Variants in PDE4D observed in about 807,000 individuals in gnomAD.
PDE4D encodes phosphodiesterase 4D.
In PDE4D, 24 loss-of-function variants were observed where a neutral mutation model predicts 87.4. The ratio of observed to expected loss-of-function variants is 0.27; its 90% CI spans 0.20 to 0.39. The LOEUF is 0.39. Ranked by LOEUF, PDE4D falls within the 10% of genes least tolerant of loss-of-function variation. The pLI is 1.00. For missense variants in PDE4D, 714 were observed against 1,041.0 expected (o/e 0.69, Z 4.32); for synonymous variants, 384 against 383.2 (o/e 1.00, Z -0.02).
intron 5 of PDE4D, among the ~76,000 whole-genome samples, chr5:59,113,237 A>C (rs1772990940): frequency 6.6e-6 from 1 of 152,236 alleles, no homozygotes; most frequent in Non-Finnish European, 1.5e-5. Flanking sequence ...AGGGGTACAG[A>C]AGTAGAATTG....
intron 1 of PDE4D, among the ~76,000 whole-genome samples, chr5:59,489,825 T>A (rs1001724043): frequency 1.3e-5 from 2 of 152,198 alleles, no homozygotes; most frequent in African/African-American, 4.8e-5. Context: ...GTTTTCTCCC[T>A]ATTTCTTTAT....
At chr5:60,204,370 C>A (rs570481389) in intron 1 of PDE4D, among the ~76,000 whole-genome samples, 5 of 152,244 alleles carry the variant, frequency 3.3e-5, no homozygotes, top group Non-Finnish European at 7.4e-5. Context: ...TCAAGCTTAG[C>A]CCAGACTTGT....
At chr5:59,051,277 G>T (rs1336594308) in intron 5 of PDE4D, among the ~76,000 whole-genome samples, 1 of 152,222 alleles carries the variant, frequency 6.6e-6, no homozygotes, top group African/African-American at 2.4e-5. Flanking sequence ...GGAGGCTGAG[G>T]CAGGAGAATC....
chr5:59,792,615 A>T (rs1765938562), intron 1 of PDE4D, among the ~76,000 whole-genome samples: 1 of 152,222 alleles, frequency 6.6e-6, no homozygotes, highest in Non-Finnish European at 1.5e-5. Context: ...TGGTAAAAGC[A>T]TGCTGAGAAT....
chr5:59,978,298 T>C (rs1434774500), intron 3 of PDE4D, among the ~76,000 whole-genome samples: 1 of 152,184 alleles, frequency 6.6e-6, no homozygotes, highest in Non-Finnish European at 1.5e-5. Flanking sequence ...ATTAAGAATA[T>C]TTGTGATCCA....
chr5:59,965,731 T>C (rs1359250535), intron 3 of PDE4D, among the ~76,000 whole-genome samples: 2 of 152,184 alleles, frequency 1.3e-5, no homozygotes, highest in Admixed American at 6.5e-5. Flanking sequence ...CAGTAACTTC[T>C]TACTAAAGTT....
At chr5:60,275,824 T>G (rs1751304214) in intron 1 of PDE4D, among the ~76,000 whole-genome samples, 1 of 152,174 alleles carries the variant, frequency 6.6e-6, no homozygotes, top group Non-Finnish European at 1.5e-5. Context: ...AATTTTATAG[T>G]GCATTTGTAC....
At chr5:59,306,284 T>C (rs1390182791) in intron 1 of PDE4D, among the ~76,000 whole-genome samples, 2 of 152,166 alleles carry the variant, frequency 1.3e-5, no homozygotes, top group Non-Finnish European at 2.9e-5. Context: ...TTGGTCCTTA[T>C]GTGTTAGGTG....
intron 3 of PDE4D, among the ~76,000 whole-genome samples, chr5:59,929,383 C>A (rs960381590): frequency 2.0e-4 from 31 of 152,210 alleles, no homozygotes; most frequent in Non-Finnish European, 3.8e-4. Flanking sequence ...TTTAAAAAAA[C>A]CAATTTCTCT....
intron 2 of PDE4D, among the ~76,000 whole-genome samples, chr5:60,023,470 C>G (rs1359855765): frequency 6.6e-6 from 1 of 152,142 alleles, no homozygotes; most frequent in African/African-American, 2.4e-5. Context: ...GCTCCAAAGG[C>G]CTGTTTCTTT....
chr5:59,658,823 C>T (rs1005845144), intron 1 of PDE4D, among the ~76,000 whole-genome samples: 1 of 150,376 alleles, frequency 6.6e-6, no homozygotes, highest in Non-Finnish European at 1.5e-5. Flanking sequence ...TGTGAGTGTT[C>T]GTGTGTGTGT....
intron 1 of PDE4D, among the ~76,000 whole-genome samples, chr5:59,486,265 A>G (rs1582822932): frequency 6.6e-6 from 1 of 151,900 alleles, no homozygotes; most frequent in African/African-American, 2.4e-5. Context: ...CCTTGGCTCC[A>G]CCCTCCCAAC....
intron 2 of PDE4D, among the ~76,000 whole-genome samples, chr5:60,158,085 C>T (rs955197756): frequency 5.9e-5 from 9 of 152,126 alleles, no homozygotes; most frequent in African/African-American, 2.2e-4. Context: ...GAGTTAATTG[C>T]ATGCTTAGCT....
intron 1 of PDE4D, among the ~76,000 whole-genome samples, chr5:59,559,284 T>C (rs1456042049): frequency 2.0e-5 from 3 of 152,242 alleles, no homozygotes. Flanking sequence ...CCAATTATGC[T>C]ACTTACTATA....
At chr5:59,224,203 G>A (rs968961023) in intron 1 of PDE4D, among the ~76,000 whole-genome samples, 1 of 150,232 alleles carries the variant, frequency 6.7e-6, no homozygotes, top group East Asian at 2.0e-4. Flanking sequence ...AATCACTTGA[G>A]CCCAGGAGGC....
chr5:59,175,529 C>T (rs1316110172), intron 5 of PDE4D, among the ~76,000 whole-genome samples: 11 of 129,392 alleles, frequency 8.5e-5, no homozygotes, highest in Non-Finnish European at 1.4e-4. Flanking sequence ...TCACCCAGGC[C>T]GAAGAGCAGT....
intron 5 of PDE4D, among the ~76,000 whole-genome samples, chr5:59,161,792 T>G (rs888705016): frequency 1.3e-5 from 2 of 152,230 alleles, no homozygotes; most frequent in Non-Finnish European, 2.9e-5. Context: ...AGAACTATTT[T>G]CCAGTTCCTT....
At chr5:59,203,717 A>G (rs1254562906) in intron 2 of PDE4D, among the ~76,000 whole-genome samples, 2 of 152,246 alleles carry the variant, frequency 1.3e-5, no homozygotes, top group Non-Finnish European at 2.9e-5. Context: ...AGAATACATT[A>G]TGCTTAGTGA....
chr5:60,468,140 T>TTTTTTTTG lies in PDE4D; in HGVS notation c.-90+19794_-90+19801dup, dbSNP rs1747524803. Among the ~76,000 whole-genome samples the TTTTTTTTG allele has an allele frequency of 1.4e-5, 2 of 140,216 alleles. 1 individual carries two copies. The highest frequency in any genetic ancestry group is 5.3e-5 in the African/African-American group (2 of 37,810). 92.0% of individuals were successfully genotyped at this position (140,216 alleles called of 152,430 possible). ...ATCCTAACTTTCTTTCTTTTTTCTT[T>TTTTTTTTG]TTTTTTTGTTTTTTTTGAGACAAGG... On this transcript the variant is annotated intron_variant, in intron 1 of 16. Coordinates refer to the PDE4D transcript ENST00000502484.
Sources: allele counts gnomAD v4.1 joint callset (sites outside exome capture counted in the v4.1 genomes callset), GRCh38; gene constraint gnomAD v4.1.1; transcripts MANE v1.5; gene names NCBI Gene and HGNC (gene_info 2026-07-23, HGNC 2026-07-21).